BABAM2: variants seen among roughly 807,000 people sequenced by gnomAD.
BABAM2 encodes the protein BRISC and BRCA1 A complex member 2, also known as BRISC and BRCA1-A complex member 2.
BABAM2 carries 31 observed loss-of-function variants against 54.7 expected under a neutral mutation model. The observed-to-expected ratio is 0.57, with a 90% confidence interval of 0.43 to 0.77. The LOEUF is 0.77. Ranked by LOEUF, BABAM2 falls within the 30% of genes least tolerant of loss-of-function variation. The pLI is 0.00. For synonymous variants in BABAM2, 167 were observed against 162.9 expected, an observed-to-expected ratio of 1.03 and a Z score of -0.19; for missense variants, 364 against 455.8, an observed-to-expected ratio of 0.80 and a Z score of 1.83.
chr2:28,100,910 T>C (rs1667028206), intron 6 of BABAM2, among the ~76,000 whole-genome samples: 1 of 151,910 alleles, frequency 6.6e-6, no homozygotes, highest in African/African-American at 2.4e-5. Context: ...GAGGAAGAAA[T>C]TGGTTTTGTA....
chr2:28,060,584 A>G (rs1023381211), intron 6 of BABAM2, among the ~76,000 whole-genome samples: 5 of 152,216 alleles, frequency 3.3e-5, no homozygotes, highest in Admixed American at 6.5e-5. Flanking sequence ...GACTATGTCA[A>G]AAAGCCTAAG....
chr2:28,008,862 G>A (rs1674166913), intron 4 of BABAM2, among the ~76,000 whole-genome samples: 1 of 152,096 alleles, frequency 6.6e-6, no homozygotes, highest in Non-Finnish European at 1.5e-5. Flanking sequence ...AGTGATGTTG[G>A]CTCTCCATTG....
At chr2:28,250,800 C>T (rs1024788032) in intron 10 of BABAM2, among the ~76,000 whole-genome samples, 8 of 152,114 alleles carry the variant, frequency 5.3e-5, no homozygotes, top group African/African-American at 1.4e-4. Context: ...AGGGTTTTGC[C>T]GTGTTAGCCA....
chr2:28,094,367 T>C (rs1265304197), intron 6 of BABAM2, among the ~76,000 whole-genome samples: 1 of 152,120 alleles, frequency 6.6e-6, no homozygotes, highest in East Asian at 1.9e-4. Flanking sequence ...ATTTAAAAAT[T>C]AAATATAGAT....
chr2:27,927,589 G>C (rs1667801729), intron 2 of BABAM2, among the ~76,000 whole-genome samples: 1 of 152,066 alleles, frequency 6.6e-6, no homozygotes, highest in South Asian at 2.1e-4. Context: ...CTGTGTTGTG[G>C]GGTAGAAAAG....
chr2:28,114,217 A>C (rs962045805), intron 6 of BABAM2, among the ~76,000 whole-genome samples: 1 of 152,188 alleles, frequency 6.6e-6, no homozygotes, highest in Non-Finnish European at 1.5e-5. Context: ...AAACAGGAAG[A>C]GAGGAAGTCA....
intron 3 of BABAM2, among the ~76,000 whole-genome samples, chr2:27,973,592 A>G (rs1394623006): frequency 6.6e-6 from 1 of 151,456 alleles, no homozygotes; most frequent in African/African-American, 2.4e-5. Context: ...GGAGGGAAAA[A>G]CTCCCAGTTT....
In BABAM2 at chr2:28,310,495, T is replaced by G. The variant is rs527745019; in HGVS notation, c.1088+12004T>G. 3 of 213,192 alleles carry G rather than the reference T, an allele frequency of 1.4e-5. No homozygotes were observed. In the South Asian group the frequency reaches 3.3e-4, roughly 24 times the overall value. 13.2% of individuals were successfully genotyped at this position (213,192 alleles called of 1,614,324 possible). A position where few individuals can be genotyped will look rare whatever the true frequency, so the allele number is the denominator to read the frequency against. On this transcript the variant is annotated intron_variant, in intron 11 of 11. Coordinates refer to ENST00000379624, the MANE Select transcript of BABAM2 (RefSeq NM_199191.3). The stretch of plus-strand genomic sequence containing the variant: ...ACTGCACCCCCTGTTTATCCTGCTT[T>G]CTCAGTGGAAAACAGTTAGGGCTTT...
At chr2:27,899,614 C>T (rs1414778490) in intron 2 of BABAM2, among the ~76,000 whole-genome samples, 6 of 152,072 alleles carry the variant, frequency 3.9e-5, no homozygotes, top group African/African-American at 9.6e-5. Context: ...CTACAGCGTC[C>T]GCCACCATGC....
At chr2:28,194,986 A>G (rs1006113596) in intron 7 of BABAM2, among the ~76,000 whole-genome samples, 8 of 152,220 alleles carry the variant, frequency 5.3e-5, no homozygotes, top group Non-Finnish European at 1.0e-4. Context: ...GTTAGCCACC[A>G]CGCCCAGCCA....
At chr2:28,085,580 T>G (rs4476309) in intron 6 of BABAM2, among the ~76,000 whole-genome samples, 149,113 of 152,266 alleles carry the variant, frequency 0.98, 73,094 homozygotes, top group East Asian at 1. Flanking sequence ...CTTGTCAAAG[T>G]AATGAATATT....
At chr2:28,150,275 A>G (rs1257007329) in intron 7 of BABAM2, among the ~76,000 whole-genome samples, 1 of 152,220 alleles carries the variant, frequency 6.6e-6, no homozygotes, top group African/African-American at 2.4e-5. Context: ...ATTACAATCT[A>G]GCCTTCTCTG....
chr2:27,962,806 T>C (rs553558389), intron 3 of BABAM2, among the ~76,000 whole-genome samples: 1 of 152,326 alleles, frequency 6.6e-6, no homozygotes, highest in Admixed American at 6.5e-5. Context: ...GACCATTTGA[T>C]GTCATCTAAT....
chr2:28,164,326 G>C (rs145076790), intron 7 of BABAM2, among the ~76,000 whole-genome samples: 76 of 152,228 alleles, frequency 5.0e-4, no homozygotes, highest in African/African-American at 1.7e-3. Context: ...CCCACGTGGA[G>C]TTAGAGGAGT....
chr2:28,322,874 A>C lies in BABAM2; in HGVS notation c.1089-15576A>C, dbSNP rs1690138548. On this transcript the variant is annotated intron_variant, in intron 11 of 11. Coordinates refer to ENST00000379624, the MANE Select transcript of BABAM2 (RefSeq NM_199191.3). The surrounding 1 kb of genome is among the most constrained non-coding windows in gnomAD (Gnocchi z 4.1). ...ATCCCCCAATGAAAGGCCTTGTATA[A>C]ATGTAAATTATCATTATTGTCATTA... Among the ~76,000 whole-genome samples, 1 of 152,234 alleles carries C rather than the reference A, an allele frequency of 6.6e-6. No homozygotes were observed. Among genetic ancestry groups the C allele is most frequent in the South Asian group, 2.1e-4 (1 of 4,836 alleles).
At chr2:28,146,186 T>C (rs1198305653) in intron 7 of BABAM2, among the ~76,000 whole-genome samples, 1 of 152,220 alleles carries the variant, frequency 6.6e-6, no homozygotes, top group Non-Finnish European at 1.5e-5. Context: ...GACACTAGAC[T>C]TTTATTAGAT....
At chr2:27,994,297 A>G (rs1672980745) in intron 4 of BABAM2, among the ~76,000 whole-genome samples, 1 of 152,238 alleles carries the variant, frequency 6.6e-6, no homozygotes, top group Non-Finnish European at 1.5e-5. Context: ...TTTTTTATGA[A>G]TAATGTATCT....
intron 3 of BABAM2, among the ~76,000 whole-genome samples, chr2:27,940,221 A>G (rs929860545): frequency 6.6e-6 from 1 of 152,228 alleles, no homozygotes; most frequent in Non-Finnish European, 1.5e-5. Context: ...AAAATTTTCC[A>G]GCTATAGCAG....
chr2:28,013,366 C>T (rs1674540458), intron 4 of BABAM2: 2 of 455,494 alleles, frequency 4.4e-6, no homozygotes, highest in African/African-American at 2.0e-5. Context: ...TTTGGCTTAC[C>T]TAGCAACTGG....
Sources: gnomAD v4.1 joint callset for allele counts (sites outside exome capture counted in the v4.1 genomes callset) on GRCh38, gnomAD v4.1.1 for gene constraint, Gnocchi (gnomAD v3.1) non-coding constraint, MANE v1.5 for transcripts, NCBI Gene and HGNC (gene_info 2026-07-23, HGNC 2026-07-21) for gene names.